The following PPP1R12A variants were observed in gnomAD, a reference collection of about 807,000 sequenced individuals.
PPP1R12A encodes myosin binding subunit.
In PPP1R12A, 19 loss-of-function variants were observed where a neutral mutation model predicts 139.6. The ratio of observed to expected loss-of-function variants is 0.14; its 90% CI spans 0.09 to 0.20. PPP1R12A has a LOEUF of 0.20. PPP1R12A is among the 10% of genes least tolerant of loss of function. The probability of loss-of-function intolerance (pLI) is 1.00; values close to 1 mark genes in which losing one functional copy is unlikely to be tolerated. For synonymous variants in PPP1R12A, 427 were observed against 420.6 expected, an observed-to-expected ratio of 1.02 and a Z score of -0.19; for missense variants, 925 against 1,211.5, an observed-to-expected ratio of 0.76 and a Z score of 3.51.
intron 2 of PPP1R12A, among the ~76,000 whole-genome samples, chr12:79,850,289 T>C (rs772169711): frequency 6.6e-5 from 10 of 152,084 alleles, no homozygotes; most frequent in Non-Finnish European, 8.8e-5. Context: ...AACTGGAAAA[T>C]CTAACAAAAG....
chr12:79,820,924 T>C lies in PPP1R12A; in HGVS notation c.964A>G (p.Thr322Ala). The C allele has an allele frequency of 6.2e-7, 1 of 1,613,234 alleles. No homozygotes were observed. Among genetic ancestry groups the C allele is most frequent in the Non-Finnish European group, 8.5e-7 (1 of 1,179,672 alleles). Residue 322 changes from threonine (T) to alanine (A), a missense_variant, in exon 8 of 25, where the codon ACG (threonine) becomes GCG (alanine). This residue lies in a region of PPP1R12A where 403 missense variants were observed against 463.7 expected (regional missense o/e 0.87). Coordinates refer to ENST00000450142, the MANE Select transcript of PPP1R12A (RefSeq NM_002480.3). ...TTTTTCTCTGGTTCAATAATCAACGTCTCTTTGCTGTTAAAGGAAAACAGT... is the reference window on the plus strand; with the variant it reads ...TTTTTCTCTGGTTCAATAATCAACGCCTCTTTGCTGTTAAAGGAAAACAGT... Reference protein sequence around the residue: ...QSQKTFKNKETLIIEPEKNAS... With the variant: ...QSQKTFKNKEALIIEPEKNAS...
intron 2 of PPP1R12A, among the ~76,000 whole-genome samples, chr12:79,855,866 G>T (rs1880591960): frequency 6.6e-6 from 1 of 151,684 alleles, no homozygotes; most frequent in Admixed American, 6.6e-5. Context: ...AGGACCTGTG[G>T]GAAGTAGTAC....
intron 2 of PPP1R12A, among the ~76,000 whole-genome samples, chr12:79,864,517 G>GA (rs1025818311): frequency 4.0e-5 from 6 of 151,210 alleles, no homozygotes; most frequent in Admixed American, 6.6e-5. Context: ...GACAGAGACA[G>GA]AAAAAAAACC....
intron 1 of PPP1R12A, among the ~76,000 whole-genome samples, chr12:79,917,502 AAAAG>A (rs1490618627): frequency 5.3e-5 from 8 of 150,882 alleles, no homozygotes; most frequent in African/African-American, 1.5e-4. Flanking sequence ...AAAAAAAAAA[AAAAG>A]AGTTTAATAT....
intron 1 of PPP1R12A, among the ~76,000 whole-genome samples, chr12:79,881,857 C>T (rs1338314311): frequency 6.6e-6 from 1 of 152,136 alleles, no homozygotes; most frequent in African/African-American, 2.4e-5. Context: ...TGCTCATTAC[C>T]CATTCCAAAA....
At position 79,773,823 on chromosome 12, in the gene PPP1R12A, A is replaced by C. The variant is rs1869482219; in HGVS notation, c.*2106T>G. On this transcript the variant is annotated 3_prime_UTR_variant, in exon 25 of 25. Transcript: ENST00000450142. ...TCTTCATTAAAAGTTCACACATTTA[A>C]AATAGTTTTATTCATTTTATTTGTA... 6.6e-6 allele frequency: 1 copy of C among 152,232 alleles called. No individual in the cohort carries two copies. Among genetic ancestry groups the C allele is most frequent in the African/African-American group, 2.4e-5 (1 of 41,460 alleles). The allele number at this position is 152,232 out of a possible 1,614,324, so 9.4% of individuals were successfully genotyped here. A position where few individuals can be genotyped will look rare whatever the true frequency, so the allele number is the denominator to read the frequency against.
intron 1 of PPP1R12A, among the ~76,000 whole-genome samples, chr12:79,891,195 A>G (rs138485721): frequency 2.6e-5 from 4 of 152,298 alleles, no homozygotes; most frequent in African/African-American, 9.6e-5. Flanking sequence ...AAATGAAGTT[A>G]AGAATATATA....
intron 19 of PPP1R12A, among the ~76,000 whole-genome samples, chr12:79,792,160 T>G (rs1386727237): frequency 1.3e-5 from 2 of 152,186 alleles, no homozygotes; most frequent in African/African-American, 4.8e-5. Flanking sequence ...ATAATATCTA[T>G]GTGAATATAG....
At chr12:79,806,015 T>C in intron 13 of PPP1R12A, 151 bp downstream of exon 13, 1 of 1,097,370 alleles carries the variant, frequency 9.1e-7, no homozygotes. Context: ...CAGACATGCA[T>C]AATTGCCTCA....
At chr12:79,802,548 C>T (rs1308931960) in intron 14 of PPP1R12A, among the ~76,000 whole-genome samples, 1 of 152,080 alleles carries the variant, frequency 6.6e-6, no homozygotes, top group Non-Finnish European at 1.5e-5. Context: ...GCTGGGAGGT[C>T]AAGGTGGGAA....
intron 22 of PPP1R12A, among the ~76,000 whole-genome samples, chr12:79,782,910 T>C (rs528806701): frequency 6.6e-6 from 1 of 152,358 alleles, no homozygotes; most frequent in East Asian, 1.9e-4. Context: ...AATATTTCTT[T>C]ACATAATTTT....
chr12:79,782,650 GAAAA>G (rs1315219226), intron 22 of PPP1R12A: 1 of 412,670 alleles, frequency 2.4e-6, no homozygotes, highest in Admixed American at 2.9e-5. Flanking sequence ...GAAAAAAAAA[GAAAA>G]AAACAGTGGC....
chr12:79,869,349 CATCCTCAA>C lies in PPP1R12A; in HGVS notation c.368+3451_368+3458del, dbSNP rs1882316384. 3.3e-5 allele frequency among the ~76,000 whole-genome samples: 5 copies of C among 152,340 alleles called. No individual in the cohort carries two copies. The South Asian group carries it at 1.0e-3, about 32-fold the overall frequency. On this transcript the variant is annotated intron_variant, in intron 2 of 24. Transcript: ENST00000450142. ...AATTTAGAACTCAATGTATCCTAAT[CATCCTCAA>C]ATCCTCAGAGTAAACTAATCTAGGC...
Position 79,786,473 on chromosome 12 carries a change from A to G in PPP1R12A, c.2808T>C (p.Tyr936=), listed in dbSNP as rs563021677. Residue 936 remains tyrosine, a synonymous_variant, in exon 22 of 25, where the codon TAT becomes TAC. Transcript: ENST00000450142. ...KDDSTDFKKL[Y]EQILAENEKL... is the part of the protein sequence containing the mutation. ...TTTCATTTTCAGCTAGAATTTGTTC[A>G]TAAAGCTATAAAAATTAGGGTAAAA... The G allele has an allele frequency of 6.5e-7, 1 of 1,533,336 alleles. No individual in the cohort carries two copies. Among genetic ancestry groups the G allele is most frequent in the South Asian group, 1.2e-5 (1 of 80,074 alleles). The allele number at this position is 1,533,336 out of a possible 1,614,324, so 95.0% of individuals were successfully genotyped here. A position where few individuals can be genotyped will look rare whatever the true frequency, so the allele number is the denominator to read the frequency against.
At chr12:79,783,026 C>T (rs886098890) in intron 22 of PPP1R12A, among the ~76,000 whole-genome samples, 2 of 152,050 alleles carry the variant, frequency 1.3e-5, no homozygotes, top group African/African-American at 4.8e-5. Context: ...TGGTGTGTAA[C>T]ATTTAAAGAA....
At chr12:79,888,174 C>A (rs915024774) in intron 1 of PPP1R12A, among the ~76,000 whole-genome samples, 3 of 152,038 alleles carry the variant, frequency 2.0e-5, no homozygotes, top group Admixed American at 6.6e-5. Flanking sequence ...AGCTTAGAGT[C>A]CAGCACAAGA....
intron 1 of PPP1R12A, chr12:79,878,530 C>T (rs1214141334): frequency 2.0e-5 from 3 of 151,960 alleles, no homozygotes; most frequent in South Asian, 4.1e-4. Context: ...TATATTAGTC[C>T]GTTCTTATGC....
intron 9 of PPP1R12A, among the ~76,000 whole-genome samples, chr12:79,816,006 T>C (rs1276803579): frequency 1.3e-5 from 2 of 152,056 alleles, no homozygotes; most frequent in Admixed American, 6.6e-5. Flanking sequence ...CTGCAGTTTA[T>C]GATTTCAAAA....
At chr12:79,878,556 A>G (rs755307867) in intron 1 of PPP1R12A, 5 of 152,174 alleles carry the variant, frequency 3.3e-5, no homozygotes, top group Admixed American at 6.5e-5. Flanking sequence ...ATAAAGACAT[A>G]CCAGAGACTG....
Sources: gnomAD v4.1 joint callset for allele counts (sites outside exome capture counted in the v4.1 genomes callset) on GRCh38, gnomAD v4.1.1 for gene constraint, gnomAD v4.1.1 regional missense constraint, MANE v1.5 for transcripts, NCBI Gene and HGNC (gene_info 2026-07-23, HGNC 2026-07-21) for gene names.